GIT2: variants seen among roughly 807,000 people sequenced by gnomAD.
GIT2 encodes GIT ArfGAP 2.
A neutral mutation model predicts 100.3 loss-of-function variants in GIT2; 32 were observed. The observed-to-expected ratio is 0.32, with a 90% CI of 0.24 to 0.43. The LOEUF (loss-of-function observed/expected upper bound fraction) is 0.43. GIT2 is among the 20% of genes least tolerant of loss of function. The pLI, the probability that GIT2 is intolerant of heterozygous loss-of-function variation, is 1.00. For missense variants in GIT2, 737 were observed against 975.1 expected (o/e 0.76, Z 3.25); for synonymous variants, 353 against 364.1 (o/e 0.97, Z 0.35).
chr12:109,983,513 A>G lies in GIT2; in HGVS notation c.493-10T>C, dbSNP rs888747729. The G allele has an allele frequency of 1.2e-6, 2 of 1,613,026 alleles. No individual in the cohort carries two copies. Among genetic ancestry groups the G allele is most frequent in the Non-Finnish European group, 1.7e-6 (2 of 1,179,276 alleles). ...GGGTGTTTCCTTTTTCCTAAGAATCATTAATAAAAAGTAGGCAAAAGAGCA... is the reference window on the plus strand; with the variant it reads ...GGGTGTTTCCTTTTTCCTAAGAATCGTTAATAAAAAGTAGGCAAAAGAGCA... On this transcript the variant is annotated splice_polypyrimidine_tract_variant and intron_variant, in intron 5 of 19. Transcript: ENST00000355312.
rs1043336801 is a variant in GIT2 at position 109,934,183 on chromosome 12, A to G, written c.2004-98T>C. 2.9e-5 allele frequency: 22 copies of G among 754,932 alleles called. No individual in the cohort carries two copies. The highest frequency in any genetic ancestry group is 2.9e-5 in the Non-Finnish European group (12 of 411,206). The allele number at this position is 754,932 out of a possible 1,614,324, so 46.8% of individuals were successfully genotyped here. ...AACAGATTCTGTTTACATTCCCTTC[A>G]TGAAGGGGCTAGGGCTGCAGTCAGC... On this transcript the variant is annotated intron_variant, in intron 18 of 19. Transcript: ENST00000355312. The surrounding 1 kb of genome is among the most constrained non-coding windows in gnomAD (Gnocchi z 4.5).
chr12:109,951,389 C>G, intron 13 of GIT2, 73 bp from the exon 14 acceptor site: 4 of 1,265,948 alleles, frequency 3.2e-6, no homozygotes, highest in South Asian at 1.3e-5. Flanking sequence ...TCAAGAATTT[C>G]AAATTCTGAC....
At chr12:109,965,614 A>C (rs557294380) in intron 8 of GIT2, 37 bp from the exon 9 acceptor site, 3 of 1,321,494 alleles carry the variant, frequency 2.3e-6, no homozygotes, top group Non-Finnish European at 3.2e-6. Flanking sequence ...CAAATAAATA[A>C]AGCCAGACTT....
At chr12:109,991,063 A>T (rs897357722) in intron 2 of GIT2, among the ~76,000 whole-genome samples, 5 of 152,206 alleles carry the variant, frequency 3.3e-5, no homozygotes, top group Non-Finnish European at 5.9e-5. Flanking sequence ...CAATCCCAGC[A>T]CTTCGAGAGA....
intron 1 of GIT2, chr12:109,995,949 G>T: frequency 2.2e-6 from 1 of 464,636 alleles, no homozygotes; most frequent in Non-Finnish European, 3.8e-6. Context: ...GGAGGGAACG[G>T]GAGGGAACGA....
chr12:109,947,693 T>TC lies in GIT2; in HGVS notation c.1393-190dup. ...TTGGGTGAAACACAATCAACTCCCT[T>TC]CATCACGTAAGCAAATTAAATAGCT... On this transcript the variant is annotated intron_variant, in intron 14 of 19. Coordinates refer to ENST00000355312, the MANE Select transcript of GIT2 (RefSeq NM_057169.5). This position sits in a 1 kb window ranked among gnomAD's most constrained non-coding sequence, Gnocchi z 4.3. 1.7e-6 allele frequency: 1 copy of TC among 572,572 alleles called. No homozygotes were observed. Among genetic ancestry groups the TC allele is most frequent in the Non-Finnish European group, 3.1e-6 (1 of 323,878 alleles). The allele number at this position is 572,572 out of a possible 1,614,324, so 35.5% of individuals were successfully genotyped here.
At chr12:109,990,793 A>G (rs961552816) in intron 2 of GIT2, among the ~76,000 whole-genome samples, 2 of 152,216 alleles carry the variant, frequency 1.3e-5, no homozygotes, top group African/African-American at 4.8e-5. Context: ...GGTATTCTAC[A>G]TGCAATCAAA....
At chr12:109,937,074 A>G (rs964687165) in intron 18 of GIT2, among the ~76,000 whole-genome samples, 1 of 152,182 alleles carries the variant, frequency 6.6e-6, no homozygotes, top group Admixed American at 6.5e-5. Context: ...GTTTTTATCG[A>G]AGGAGGCTTA....
intron 12 of GIT2, chr12:109,953,778 C>T (rs917833046): frequency 9.8e-5 from 15 of 152,320 alleles, no homozygotes; most frequent in African/African-American, 3.6e-4. Flanking sequence ...TTCCTCTCAT[C>T]TACCTGCCAA....
chr12:109,988,036 T>G (rs927081815), intron 4 of GIT2, among the ~76,000 whole-genome samples: 1 of 152,210 alleles, frequency 6.6e-6, no homozygotes, highest in African/African-American at 2.4e-5. Context: ...CTTTAGTACT[T>G]TTTCTAGTCC....
Position 109,933,308 on chromosome 12 carries a change from C to T in GIT2, c.2068-118G>A. ...CCCCAGAGTGAAAGGCGGTTTGGTC[C>T]TGCCCTTTCTCAAAGGGGTGCTTCA... On this transcript the variant is annotated intron_variant, in intron 19 of 19. Coordinates refer to ENST00000355312, the MANE Select transcript of GIT2 (RefSeq NM_057169.5). The surrounding 1 kb of genome is among the most constrained non-coding windows in gnomAD (Gnocchi z 4.5). 1.6e-6 allele frequency: 1 copy of T among 638,980 alleles called. No homozygotes were observed. Among genetic ancestry groups the T allele is most frequent in the Non-Finnish European group, 2.8e-6 (1 of 359,936 alleles). 39.6% of individuals were successfully genotyped at this position (638,980 alleles called of 1,614,324 possible).
At chr12:109,946,042 G>A (rs962029007) in intron 15 of GIT2, among the ~76,000 whole-genome samples, 2 of 152,088 alleles carry the variant, frequency 1.3e-5, no homozygotes, top group Non-Finnish European at 2.9e-5. Context: ...GCTGAGGCAG[G>A]AGAACTGCTT....
At chr12:109,939,040 A>C in intron 17 of GIT2, 125 bp downstream of exon 17, 1 of 673,858 alleles carries the variant, frequency 1.5e-6, no homozygotes, top group South Asian at 1.7e-5. Context: ...GAATACTTTA[A>C]GACTTTATGA....
intron 14 of GIT2, 184 bp downstream of exon 14, chr12:109,950,979 TACTC>T: frequency 1.6e-6 from 1 of 634,216 alleles, no homozygotes; most frequent in Middle Eastern, 2.6e-4. Context: ...CTGGGGAACT[TACTC>T]TGGATATATT....
chr12:109,991,638 T>A lies in GIT2; in HGVS notation c.175A>T (p.Thr59Ser), dbSNP rs201015987. ...TTCTTATCCTTTACCTGAAGCAGTG[T>A]TGGAGGCCACGGTGTGTGTTTCAGA... ...RHLKHTPWPP[T>S]LLQMVETLYN... Residue 59 changes from threonine (T) to serine (S), a missense_variant, in exon 2 of 20, where the codon ACA (threonine) becomes TCA (serine). By Grantham distance (58) the Thr-to-Ser change is moderately conservative. Coordinates refer to ENST00000355312, the MANE Select transcript of GIT2 (RefSeq NM_057169.5). The A allele has an allele frequency of 6.2e-7, 1 of 1,613,248 alleles. No individual in the cohort carries two copies. Among genetic ancestry groups the A allele is most frequent in the African/African-American group, 1.3e-5 (1 of 75,018 alleles).
intron 12 of GIT2, among the ~76,000 whole-genome samples, chr12:109,956,533 A>G (rs937612433): frequency 6.6e-6 from 1 of 152,162 alleles, no homozygotes; most frequent in South Asian, 2.1e-4. Context: ...ATTTCTTACA[A>G]TGACCTTGAA....
intron 7 of GIT2, among the ~76,000 whole-genome samples, chr12:109,968,595 G>GT (rs940434583): frequency 6.6e-6 from 1 of 151,500 alleles, no homozygotes; most frequent in African/African-American, 2.4e-5. Flanking sequence ...AACTAATTTT[G>GT]TTTTTTCAGT....
In GIT2 at chr12:109,947,459, T is replaced by C; in HGVS notation, c.1438A>G (p.Thr480Ala). The C allele has an allele frequency of 6.2e-7, 1 of 1,613,840 alleles. No homozygotes were observed. The highest frequency in any genetic ancestry group is 8.5e-7 in the Non-Finnish European group (1 of 1,179,704). The stretch of plus-strand genomic sequence containing the variant: ...GTTTGCACCTGATATACATTGGTTG[T>C]GGCCTGTTTCCTGAGGTTCGAATTT... ...SENSNLRKQA[T>A]TNVYQVQTGS... Residue 480 changes from threonine (T) to alanine (A), a missense_variant, in exon 15 of 20, where the codon ACA becomes GCA. Thr to Ala is a moderately conservative substitution (Grantham distance 58). Around this residue, in one of 3 missense-constraint regions of GIT2, gnomAD observed 451 missense variants for 543.7 expected, o/e 0.83. Transcript: ENST00000355312. The surrounding 1 kb of genome is among the most constrained non-coding windows in gnomAD (Gnocchi z 4.3).
chr12:109,961,575 A>C (rs768581970), intron 10 of GIT2, 38 bp downstream of exon 10: 12 of 1,365,588 alleles, frequency 8.8e-6, no homozygotes, highest in East Asian at 2.3e-5. Flanking sequence ...CTGCCCACTG[A>C]TAACAGAAGC....
Sources: gnomAD v4.1 joint callset for allele counts (sites outside exome capture counted in the v4.1 genomes callset) on GRCh38, gnomAD v4.1.1 for gene constraint, gnomAD v4.1.1 regional missense constraint, Gnocchi (gnomAD v3.1) non-coding constraint, MANE v1.5 for transcripts, NCBI Gene and HGNC (gene_info 2026-07-23, HGNC 2026-07-21) for gene names.